C16orf95: variants seen among roughly 807,000 people sequenced by gnomAD.
The protein encoded by C16orf95 is chromosome 16 open reading frame 95, also known as uncharacterized protein C16orf95.
A neutral mutation model predicts 32.1 loss-of-function variants in C16orf95; 41 were observed. The ratio of observed to expected loss-of-function variants is 1.28; its 90% CI spans 1.00 to 1.66. The LOEUF (loss-of-function observed/expected upper bound fraction) is 1.66, where lower values mean the gene tolerates loss of function less well. Ranked by LOEUF, C16orf95 falls within the 40% of genes most tolerant of loss-of-function variation. The probability of loss-of-function intolerance (pLI) is 0.00; values close to 1 mark genes in which losing one functional copy is unlikely to be tolerated. For missense variants in C16orf95, 399 were observed against 325.9 expected (o/e 1.22, Z -1.73); for synonymous variants, 147 against 128.9 (o/e 1.14, Z -0.95).
intron 6 of C16orf95, 38 bp from the exon 7 acceptor site, chr16:87,303,113 C>T (rs1230780580): frequency 1.3e-6 from 2 of 1,535,796 alleles, no homozygotes; most frequent in African/African-American, 2.7e-5. Flanking sequence ...GGACCCGGCC[C>T]CAGGCTGAGA....
rs145180618 is a variant in C16orf95, at chr16:87,310,398, T to C, written c.478-65A>G. The C allele has an allele frequency of 2.3e-5, 34 of 1,492,424 alleles. 1 individual carries two copies. In the South Asian group the frequency reaches 2.3e-4, roughly 10 times the overall value. The allele number at this position is 1,492,424 out of a possible 1,614,324, so 92.4% of individuals were successfully genotyped here. A position where few individuals can be genotyped will look rare whatever the true frequency, so the allele number is the denominator to read the frequency against. On this transcript the variant is annotated intron_variant, in intron 4 of 6. Coordinates refer to ENST00000567970, the MANE Select transcript of C16orf95 (RefSeq NM_001195124.3). ...CCCTCCAAGGGGGAAGGCCTGGTGA[T>C]TGGGACTCCAAACCTCCAGGAGGGG...
rs531714448 is a variant in C16orf95, at chr16:87,313,128, A to G, written c.331-1832T>C. Among the ~76,000 whole-genome samples the G allele has an allele frequency of 3.9e-5, 6 of 152,216 alleles. No individual in the cohort carries two copies. The South Asian group carries it at 8.3e-4, about 21-fold the overall frequency. On this transcript the variant is annotated intron_variant, in intron 3 of 6. Transcript: ENST00000567970. ...GATCTACAAAGCCCACACAGTCCCA[A>G]TCAAAATTCCAGTAGGGTACTTTTG...
At chr16:87,303,825 A>T (rs1910875457) in intron 6 of C16orf95, among the ~76,000 whole-genome samples, 1 of 152,080 alleles carries the variant, frequency 6.6e-6, no homozygotes, top group Non-Finnish European at 1.5e-5. Flanking sequence ...ACTTCAAAAC[A>T]AGAGCATGCC....
At position 87,310,352 on chromosome 16, in the gene C16orf95, GGCAA is replaced by G; in HGVS notation, c.478-23_478-20del. ...TGACTATCTAAAAGACAAGAATGGA[GGCAA>G]GCAGTCAGCCTGGCGACCCTCCAAG... On this transcript the variant is annotated intron_variant, in intron 4 of 6. Coordinates refer to ENST00000567970, the MANE Select transcript of C16orf95 (RefSeq NM_001195124.3). 1 of 1,536,052 alleles carries G rather than the reference GGCAA, an allele frequency of 6.5e-7. No individual in the cohort carries two copies. Among genetic ancestry groups the G allele is most frequent in the Non-Finnish European group, 8.7e-7 (1 of 1,146,906 alleles).
chr16:87,316,627 C>A (rs1000757766), intron 1 of C16orf95, among the ~76,000 whole-genome samples: 1 of 152,008 alleles, frequency 6.6e-6, no homozygotes, highest in Non-Finnish European at 1.5e-5. Context: ...GTAATGACAG[C>A]ACTGCTATAT....
intron 5 of C16orf95, among the ~76,000 whole-genome samples, chr16:87,309,936 CTA>C (rs1479194217): frequency 6.6e-6 from 1 of 152,090 alleles, no homozygotes; most frequent in South Asian, 2.1e-4. Context: ...GGAATATGTA[CTA>C]TGTCATAAAT....
chr16:87,311,939 C>T (rs999310929), intron 3 of C16orf95, among the ~76,000 whole-genome samples: 1 of 152,132 alleles, frequency 6.6e-6, no homozygotes, highest in African/African-American at 2.4e-5. Context: ...CAGAGCTGTC[C>T]GGACTGACAC....
chr16:87,304,127 C>T (rs1910890685), intron 6 of C16orf95, among the ~76,000 whole-genome samples: 1 of 152,206 alleles, frequency 6.6e-6, no homozygotes, highest in South Asian at 2.1e-4. Flanking sequence ...AAGCAATCTT[C>T]CCACCTCGTT....
At chr16:87,311,773 A>G (rs917856513) in intron 3 of C16orf95, among the ~76,000 whole-genome samples, 2 of 152,268 alleles carry the variant, frequency 1.3e-5, no homozygotes, top group African/African-American at 2.4e-5. Flanking sequence ...AATGTGTCCC[A>G]TGAGGATACT....
At chr16:87,314,297 G>C (rs939608346) in intron 3 of C16orf95, among the ~76,000 whole-genome samples, 1 of 152,104 alleles carries the variant, frequency 6.6e-6, no homozygotes, top group Non-Finnish European at 1.5e-5. Flanking sequence ...ATAAACTGTG[G>C]CCTATTCACA....
intron 6 of C16orf95, among the ~76,000 whole-genome samples, chr16:87,304,840 G>A (rs1910939314): frequency 6.6e-6 from 1 of 152,258 alleles, no homozygotes; most frequent in Admixed American, 6.5e-5. Context: ...TAGAAAACAG[G>A]ACAGGACACC....
In C16orf95 at chr16:87,311,209, G is replaced by A. The variant is rs933672743; in HGVS notation, c.418C>T (p.Pro140Ser). The change falls in exon 4 of 7, where the codon CCT becomes TCT. Residue 140 changes from proline (P) to serine (S), a missense_variant. Physicochemically the swap from Pro to Ser is moderately conservative, Grantham distance 74. Transcript: ENST00000567970. ...CHRFGGRLPM[P>S]RDQAVMPYWV... Reference sequence around the variant, plus strand: ...TAGGGCATCACTGCCTGGTCCCTAGGCATCGGGAGGCGGCCCCCAAAGCGG... The same window carrying A: ...TAGGGCATCACTGCCTGGTCCCTAGACATCGGGAGGCGGCCCCCAAAGCGG... 11 of 1,535,754 alleles carry A rather than the reference G, an allele frequency of 7.2e-6. No homozygotes were observed. The highest frequency in any genetic ancestry group is 2.4e-5 in the South Asian group (2 of 84,054).
At chr16:87,315,165 A>G in intron 2 of C16orf95, 69 bp from the exon 3 acceptor site, 1 of 1,472,672 alleles carries the variant, frequency 6.8e-7, no homozygotes, top group African/African-American at 1.4e-5. Flanking sequence ...GAGGCTCTCA[A>G]GCACAGTAGA....
intron 3 of C16orf95, among the ~76,000 whole-genome samples, chr16:87,313,578 A>C (rs1911378481): frequency 6.6e-6 from 1 of 152,136 alleles, no homozygotes; most frequent in Admixed American, 6.5e-5. Context: ...CACGAAAAAT[A>C]AACAAAATTA....
chr16:87,303,955 C>CCA (rs1473354063), intron 6 of C16orf95, among the ~76,000 whole-genome samples: 3 of 152,174 alleles, frequency 2.0e-5, no homozygotes, highest in African/African-American at 7.2e-5. Context: ...GAGCCTGAGG[C>CCA]CAGGGCTTAG....
chr16:87,309,912 ATAGGG>A (rs910846983), intron 5 of C16orf95, among the ~76,000 whole-genome samples: 21 of 152,230 alleles, frequency 1.4e-4, no homozygotes, highest in Non-Finnish European at 5.9e-5. Context: ...TGAGTATATA[ATAGGG>A]TACACATAGG....
At chr16:87,314,296 G>A (rs1270552272) in intron 3 of C16orf95, among the ~76,000 whole-genome samples, 1 of 152,030 alleles carries the variant, frequency 6.6e-6, no homozygotes, top group Non-Finnish European at 1.5e-5. Context: ...AATAAACTGT[G>A]GCCTATTCAC....
At chr16:87,316,955 T>A (rs934644765) in intron 1 of C16orf95, 136 bp downstream of exon 1, 1 of 1,347,812 alleles carries the variant, frequency 7.4e-7, no homozygotes, top group East Asian at 2.9e-5. Flanking sequence ...TGCGTTTTTG[T>A]TAAGCCAATG....
In C16orf95 at chr16:87,305,736, C is replaced by A. The variant is rs1597341937; in HGVS notation, c.684G>T (p.Arg228Ser). 1.3e-6 allele frequency: 2 copies of A among 1,510,666 alleles called. No individual in the cohort carries two copies. The highest frequency in any genetic ancestry group is 1.8e-6 in the Non-Finnish European group (2 of 1,135,114). 93.6% of individuals were successfully genotyped at this position (1,510,666 alleles called of 1,614,324 possible). ...GLLTLLQAIP[R>S]VIMAIRQCFG... ...CTGCTCACCGAATGGCCATGATGAC[C>A]CTCGGGATGGCCTGGAGGAGGGTCA... Residue 228 changes from arginine to serine, a missense_variant, in exon 6 of 7, where the codon AGG (arginine) becomes AGT (serine). By Grantham distance (110) the Arg-to-Ser change is moderately radical. Transcript: ENST00000567970. This position sits in a 1 kb window ranked among gnomAD's most constrained non-coding sequence, Gnocchi z 4.2.
Sources: allele counts gnomAD v4.1 joint callset (sites outside exome capture counted in the v4.1 genomes callset), GRCh38; gene constraint gnomAD v4.1.1; non-coding constraint Gnocchi (gnomAD v3.1); transcripts MANE v1.5; gene names NCBI Gene and HGNC (gene_info 2026-07-23, HGNC 2026-07-21).